The following OTX1 variants were observed in gnomAD, a reference collection of about 807,000 sequenced individuals.
OTX1 encodes the protein orthodenticle homeobox 1.
A neutral mutation model predicts 26.7 loss-of-function variants in OTX1; 7 were observed. The ratio of observed to expected loss-of-function variants is 0.26; its 90% CI spans 0.15 to 0.49. The LOEUF (loss-of-function observed/expected upper bound fraction) is 0.49. Ranked by LOEUF, OTX1 falls within the 20% of genes least tolerant of loss-of-function variation. OTX1 has a pLI of 0.98. For synonymous variants in OTX1, 216 were observed against 212.8 expected (o/e 1.01, Z -0.13); for missense variants, 414 against 483.8 (o/e 0.86, Z 1.35).
rs1574630474 is a variant in OTX1 at position 63,056,604 on chromosome 2, A to C, written c.*288A>C. The C allele has an allele frequency of 6.7e-6, 3 of 445,504 alleles. No individual in the cohort carries two copies. The highest frequency in any genetic ancestry group is 1.2e-5 in the Non-Finnish European group (3 of 245,800). The allele number at this position is 445,504 out of a possible 1,614,324, so 27.6% of individuals were successfully genotyped here. A position where few individuals can be genotyped will look rare whatever the true frequency, so the allele number is the denominator to read the frequency against. On this transcript the variant is annotated 3_prime_UTR_variant, in exon 5 of 5. Coordinates refer to ENST00000282549, the MANE Select transcript of OTX1 (RefSeq NM_014562.4). Reference sequence around the variant, plus strand: ...ATTTCCCCCCTTCAGCCCCTACTAAACTCTTAAGCCTCCCCTTCCAGTCTT... The same window carrying C: ...ATTTCCCCCCTTCAGCCCCTACTAACCTCTTAAGCCTCCCCTTCCAGTCTT...
At chr2:63,051,624 C>T (rs1414278101) in intron 2 of OTX1, 1 of 152,508 alleles carries the variant, frequency 6.6e-6, no homozygotes, top group Non-Finnish European at 1.5e-5. Flanking sequence ...GCCCTAGAGC[C>T]CTGGCTGCTT....
In OTX1 at chr2:63,054,207, TC is replaced by T. The variant is rs2062047538; in HGVS notation, c.249+13del. ...CGGAGTCTAGAGTCCAGGTGCGCAC[TC>T]CCCGGGCTCCAGGGTCTGGGTAGGG... is the stretch of plus-strand genomic sequence containing the variant. On this transcript the variant is annotated intron_variant, in intron 4 of 4. Coordinates refer to ENST00000282549, the MANE Select transcript of OTX1 (RefSeq NM_014562.4). 1 of 1,576,920 alleles carries T rather than the reference TC, an allele frequency of 6.3e-7. No individual in the cohort carries two copies. The highest frequency in any genetic ancestry group is 8.6e-7 in the Non-Finnish European group (1 of 1,159,946).
chr2:63,055,898 C>A lies in OTX1; in HGVS notation c.647C>A (p.Thr216Asn). 6.2e-7 allele frequency: 1 copy of A among 1,612,396 alleles called. No individual in the cohort carries two copies. Among genetic ancestry groups the A allele is most frequent in the Non-Finnish European group, 8.5e-7 (1 of 1,179,972 alleles). ...MQRSVAAGAA[T>N]AAASYPMSYG... ...CGCTCCGTAGCTGCAGGCGCCGCCA[C>A]CGCAGCAGCCTCTTATCCCATGTCC... The change falls in exon 5 of 5, where the codon ACC becomes AAC. Residue 216 changes from threonine to asparagine, a missense_variant. Around this residue, in one of 3 missense-constraint regions of OTX1, gnomAD observed 320 missense variants for 347.9 expected, o/e 0.92. Transcript: ENST00000282549. This position sits in a 1 kb window ranked among gnomAD's most constrained non-coding sequence, Gnocchi z 5.2.
At chr2:63,053,934 C>T (rs981561191) in intron 3 of OTX1, 113 bp from the exon 4 acceptor site, 1 of 1,257,280 alleles carries the variant, frequency 8.0e-7, no homozygotes, top group Non-Finnish European at 1.1e-6. Context: ...ATTCCCAGTT[C>T]GGCTTTCTTT....
At position 63,052,502 on chromosome 2, in the gene OTX1, C is replaced by T. The variant is rs144556913; in HGVS notation, c.-111-378C>T. On this transcript the variant is annotated intron_variant, in intron 2 of 4. Coordinates refer to ENST00000282549, the MANE Select transcript of OTX1 (RefSeq NM_014562.4). ...AACAACGCCTCATGCTCTGGGCGGCCTGCCGTCCGGGCACCAAGTGAACCT... is the reference window on the plus strand; with the variant it reads ...AACAACGCCTCATGCTCTGGGCGGCTTGCCGTCCGGGCACCAAGTGAACCT... 1.2e-4 allele frequency among the ~76,000 whole-genome samples: 19 copies of T among 152,386 alleles called. No homozygotes were observed. The East Asian group carries it at 3.5e-3, about 28-fold the overall frequency.
At chr2:63,053,990 C>G in intron 3 of OTX1, 57 bp from the exon 4 acceptor site, 4 of 1,585,950 alleles carry the variant, frequency 2.5e-6, no homozygotes, top group Non-Finnish European at 3.4e-6. Context: ...CCCGAGTCCT[C>G]TATCGCGGGT....
rs745376655 is a variant in OTX1, at chr2:63,052,950, G to GC, written c.-36dup. On this transcript the variant is annotated 5_prime_UTR_variant, in exon 3 of 5. Coordinates refer to ENST00000282549, the MANE Select transcript of OTX1 (RefSeq NM_014562.4). ...AGCCCTGCACCGCTCCTGGCCCCGG[G>GC]CCCCCTGGATCCGTCGGGGCGCCTC... 70 of 1,413,224 alleles carry GC rather than the reference G, an allele frequency of 5.0e-5. No individual in the cohort carries two copies. The African/African-American group carries it at 8.3e-4, about 17-fold the overall frequency. 87.5% of individuals were successfully genotyped at this position (1,413,224 alleles called of 1,614,324 possible).
At chr2:63,051,082 G>C (rs1196500630) in intron 1 of OTX1, 167 bp from the exon 2 acceptor site, 2 of 152,242 alleles carry the variant, frequency 1.3e-5, no homozygotes, top group Non-Finnish European at 2.9e-5. Flanking sequence ...AGAACGTGTG[G>C]GGCTTAGCAA....
At chr2:63,052,819 G>A (rs930468993) in intron 2 of OTX1, 61 bp from the exon 3 acceptor site, 5 of 561,680 alleles carry the variant, frequency 8.9e-6, no homozygotes, top group African/African-American at 2.0e-5. Context: ...CTATCCCGGG[G>A]CAAGACTTGG....
At position 63,056,139 on chromosome 2, in the gene OTX1, T is replaced by TCACCAC. The variant is rs760699913; in HGVS notation, c.900_905dup (p.His300_His301dup). 5 of 1,613,548 alleles carry TCACCAC rather than the reference T, an allele frequency of 3.1e-6. No individual in the cohort carries two copies. Among genetic ancestry groups the TCACCAC allele is most frequent in the African/African-American group, 1.3e-5 (1 of 74,848 alleles). ...AGTCCTCAGGCCACCACCACCACCA[T>TCACCAC]CACCACCACCACCACCAAGGCTACG... On this transcript the variant is annotated inframe_insertion, in exon 5 of 5. Transcript: ENST00000282549.
intron 2 of OTX1, among the ~76,000 whole-genome samples, chr2:63,052,452 T>G (rs1454339688): frequency 6.6e-6 from 1 of 152,246 alleles, no homozygotes; most frequent in Non-Finnish European, 1.5e-5. Context: ...TCTCTACCTT[T>G]TCAAAAACAC....
chr2:63,057,369 G>C lies in OTX1; in HGVS notation c.*1053G>C, dbSNP rs2153388535. On this transcript the variant is annotated 3_prime_UTR_variant, in exon 5 of 5. Transcript: ENST00000282549. ...TCCGAAGTGTGGAGGAAACAGACAA[G>C]TCAGGGTACAGAGGTGGGGGTTGGG... 6.6e-6 allele frequency: 1 copy of C among 152,376 alleles called. No homozygotes were observed. The highest frequency in any genetic ancestry group is 1.9e-4 in the East Asian group (1 of 5,184). 9.4% of individuals were successfully genotyped at this position (152,376 alleles called of 1,614,324 possible).
chr2:63,056,495 G>A lies in OTX1; in HGVS notation c.*179G>A. 2 of 647,790 alleles carry A rather than the reference G, an allele frequency of 3.1e-6. No homozygotes were observed. Among genetic ancestry groups the A allele is most frequent in the Non-Finnish European group, 2.6e-6 (1 of 380,112 alleles). The allele number at this position is 647,790 out of a possible 1,614,324, so 40.1% of individuals were successfully genotyped here. On this transcript the variant is annotated 3_prime_UTR_variant, in exon 5 of 5. Coordinates refer to ENST00000282549, the MANE Select transcript of OTX1 (RefSeq NM_014562.4). ...CCATTTTTGTGCCACTTGCTTGGGGGGATGTGCAAACCCACCCTGCCCCTT... is the reference window on the plus strand; with the variant it reads ...CCATTTTTGTGCCACTTGCTTGGGGAGATGTGCAAACCCACCCTGCCCCTT...
chr2:63,054,230 A>G (rs1189455867), intron 4 of OTX1, 32 bp downstream of exon 4: 2 of 1,541,362 alleles, frequency 1.3e-6, no homozygotes, highest in Non-Finnish European at 8.7e-7. Flanking sequence ...GGGTCTGGGT[A>G]GGGGAGCTGA....
upstream of OTX1, chr2:63,050,795 C>G (rs895304505): frequency 6.6e-6 from 1 of 152,224 alleles, no homozygotes; most frequent in African/African-American, 2.4e-5. Flanking sequence ...GCACTCGCCT[C>G]GCGTTCACAT....
In OTX1 at chr2:63,056,163, C is replaced by T; in HGVS notation, c.912C>T (p.Tyr304=). The change falls in exon 5 of 5, where the codon TAC becomes TAT. Residue 304 remains tyrosine (Y), a synonymous_variant. Coordinates refer to ENST00000282549, the MANE Select transcript of OTX1 (RefSeq NM_014562.4). ...HHHHHHHHQG[Y]GGSGLAFNSA... is the part of the protein sequence containing the mutation. ...ATCACCACCACCACCACCAAGGCTA[C>T]GGTGGCTCTGGGCTTGCCTTCAACT... 1.2e-6 allele frequency: 2 copies of T among 1,614,080 alleles called. No homozygotes were observed. Among genetic ancestry groups the T allele is most frequent in the Non-Finnish European group, 1.7e-6 (2 of 1,180,016 alleles).
chr2:63,049,831 C>A (rs2062010025), upstream of OTX1, among the ~76,000 whole-genome samples: 1 of 152,140 alleles, frequency 6.6e-6, no homozygotes, highest in Admixed American at 6.5e-5. This position sits in a 1 kb window ranked among gnomAD's most constrained non-coding sequence, Gnocchi z 4.8. Flanking sequence ...GAAGTTTTTT[C>A]GGGTGGGAAA....
intron 3 of OTX1, 78 bp downstream of exon 3, chr2:63,053,165 C>T: frequency 1.1e-5 from 11 of 1,001,818 alleles, no homozygotes; most frequent in Non-Finnish European, 1.5e-5. Context: ...TGAGTGCAAG[C>T]TTTGTTGCTG....
At position 63,055,392 on chromosome 2, in the gene OTX1, T is replaced by G; in HGVS notation, c.250-109T>G. 472 of 1,211,240 alleles carry G rather than the reference T, an allele frequency of 3.9e-4. No individual in the cohort carries two copies. The highest frequency in any genetic ancestry group is 5.0e-4 in the Non-Finnish European group (435 of 871,324). The allele number at this position is 1,211,240 out of a possible 1,614,324, so 75.0% of individuals were successfully genotyped here. ...AGACAGGAAGGGGCGGAGGCCTCGG[T>G]GAGAAAGGATTGCGATATTCTGGAC... On this transcript the variant is annotated intron_variant, in intron 4 of 4. Coordinates refer to ENST00000282549, the MANE Select transcript of OTX1 (RefSeq NM_014562.4). This position sits in a 1 kb window ranked among gnomAD's most constrained non-coding sequence, Gnocchi z 5.2.
Sources: allele counts gnomAD v4.1 joint callset (sites outside exome capture counted in the v4.1 genomes callset), GRCh38; gene constraint gnomAD v4.1.1; regional missense constraint gnomAD v4.1.1; non-coding constraint Gnocchi (gnomAD v3.1); transcripts MANE v1.5; gene names NCBI Gene and HGNC (gene_info 2026-07-23, HGNC 2026-07-21).